EEPD1: variants seen among roughly 807,000 people sequenced by gnomAD.
EEPD1 encodes endonuclease/exonuclease/phosphatase family domain containing 1.
Under a neutral mutation model 46.3 loss-of-function variants are expected in EEPD1, and 17 were observed. The ratio of observed to expected loss-of-function variants is 0.37; its 90% CI spans 0.25 to 0.55. The LOEUF (loss-of-function observed/expected upper bound fraction) is 0.55. Ranked by LOEUF, EEPD1 falls within the 20% of genes least tolerant of loss-of-function variation. EEPD1 has a pLI of 0.83. For synonymous variants in EEPD1, 313 were observed against 315.6 expected (o/e 0.99, Z 0.09); for missense variants, 673 against 745.6 (o/e 0.90, Z 1.13).
rs981343900 is a variant in EEPD1, at chr7:36,193,257, A to G, written c.878+38055A>G. 6.6e-6 allele frequency among the ~76,000 whole-genome samples: 1 copy of G among 152,188 alleles called. No individual in the cohort carries two copies. Among genetic ancestry groups the G allele is most frequent in the Non-Finnish European group, 1.5e-5 (1 of 68,040 alleles). On this transcript the variant is annotated intron_variant, in intron 2 of 7. Coordinates refer to ENST00000242108, the MANE Select transcript of EEPD1 (RefSeq NM_030636.3). This position sits in a 1 kb window ranked among gnomAD's most constrained non-coding sequence, Gnocchi z 4.9. The stretch of plus-strand genomic sequence containing the variant: ...TGAGGAATGCCAAGGTGGAAGTGCC[A>G]ACCAGCAGAAGTTAGATGGAGAAGA...
intron 2 of EEPD1, among the ~76,000 whole-genome samples, chr7:36,164,270 T>C (rs920459375): frequency 1.3e-5 from 2 of 152,244 alleles, no homozygotes; most frequent in African/African-American, 4.8e-5. Flanking sequence ...AAACAACTTA[T>C]CTTTCTGCTC....
At chr7:36,203,245 G>T (rs73687000) in intron 2 of EEPD1, among the ~76,000 whole-genome samples, 2 of 152,136 alleles carry the variant, frequency 1.3e-5, no homozygotes, top group African/African-American at 4.8e-5. Flanking sequence ...GTGGGATTTC[G>T]CCTGGGTTCA....
At chr7:36,253,588 C>G (rs1217951415) in intron 3 of EEPD1, among the ~76,000 whole-genome samples, 2 of 152,088 alleles carry the variant, frequency 1.3e-5, no homozygotes, top group African/African-American at 4.8e-5. Flanking sequence ...CTTGAATTCT[C>G]TCAGTTTTTG....
At chr7:36,220,327 G>A (rs1017643525) in intron 2 of EEPD1, among the ~76,000 whole-genome samples, 3 of 152,116 alleles carry the variant, frequency 2.0e-5, no homozygotes, top group Admixed American at 6.5e-5. Flanking sequence ...AAGGGGGAAG[G>A]GAAAGGCTCA....
At chr7:36,295,399 T>C (rs916780011) in intron 6 of EEPD1, among the ~76,000 whole-genome samples, 6 of 152,152 alleles carry the variant, frequency 3.9e-5, no homozygotes, top group African/African-American at 1.2e-4. Context: ...ACCTGACTTA[T>C]ACCTCATAAG....
intron 3 of EEPD1, among the ~76,000 whole-genome samples, chr7:36,259,929 T>G (rs1786892998): frequency 2.0e-5 from 3 of 152,242 alleles, no homozygotes; most frequent in Non-Finnish European, 4.4e-5. Flanking sequence ...TTTCATTTGT[T>G]CCTGTGAATT....
In EEPD1 at chr7:36,299,627, G is replaced by C; in HGVS notation, c.*421G>C. On this transcript the variant is annotated 3_prime_UTR_variant, in exon 8 of 8. Coordinates refer to ENST00000242108, the MANE Select transcript of EEPD1 (RefSeq NM_030636.3). ...CACCAGGCTATGACGTTCCTGCTGC[G>C]CATTACAGAAAGCTTTTAACTGTGA... 5.2e-6 allele frequency: 1 copy of C among 194,008 alleles called. No homozygotes were observed. The highest frequency in any genetic ancestry group is 1.1e-5 in the Non-Finnish European group (1 of 93,768). The allele number at this position is 194,008 out of a possible 1,614,324, so 12.0% of individuals were successfully genotyped here.
intron 2 of EEPD1, among the ~76,000 whole-genome samples, chr7:36,184,238 A>G (rs1257971985): frequency 6.6e-6 from 1 of 152,182 alleles, no homozygotes; most frequent in East Asian, 1.9e-4. Context: ...CATGTTATGA[A>G]GTATTATTCT....
rs1379017368 is a variant in EEPD1, at chr7:36,154,147, G to A, written c.-178G>A. 1 of 715,154 alleles carries A rather than the reference G, an allele frequency of 1.4e-6. No individual in the cohort carries two copies. Among genetic ancestry groups the A allele is most frequent in the African/African-American group, 1.8e-5 (1 of 56,076 alleles). The allele number at this position is 715,154 out of a possible 1,614,324, so 44.3% of individuals were successfully genotyped here. A position where few individuals can be genotyped will look rare whatever the true frequency, so the allele number is the denominator to read the frequency against. On this transcript the variant is annotated 5_prime_UTR_variant, in exon 2 of 8. Transcript: ENST00000242108. This position sits in a 1 kb window ranked among gnomAD's most constrained non-coding sequence, Gnocchi z 4.2. The stretch of plus-strand genomic sequence containing the variant: ...TTATTTTCTAGGCGGCCAAGTGAAA[G>A]GTAATTTTGGACACGCCAGGCATGG...
chr7:36,257,228 A>G (rs577204102), intron 3 of EEPD1, among the ~76,000 whole-genome samples: 16 of 151,272 alleles, frequency 1.1e-4, no homozygotes, highest in African/African-American at 3.4e-4. Flanking sequence ...GGGTAACCTG[A>G]TCTTTCCTTC....
At chr7:36,284,475 G>A (rs904514101) in intron 4 of EEPD1, among the ~76,000 whole-genome samples, 17 of 152,244 alleles carry the variant, frequency 1.1e-4, no homozygotes, top group African/African-American at 3.9e-4. Context: ...TGTCTGTATG[G>A]AAAGCTCTGA....
At position 36,284,762 on chromosome 7, in the gene EEPD1, C is replaced by T. The variant is rs576833376; in HGVS notation, c.1118C>T (p.Ser373Leu). 8 of 1,599,658 alleles carry T rather than the reference C, an allele frequency of 5.0e-6. No homozygotes were observed. The Admixed American group carries it at 6.8e-5, about 14-fold the overall frequency. The stretch of plus-strand genomic sequence containing the variant: ...AGAGACGCGGGTTCACAGGAGAGCT[C>T]GCCAAGCAACGGGCACGGGAAGCTG... The part of the protein sequence containing the change: ...ELRDAGSQES[S>L]PSNGHGKLAG... The change falls in exon 5 of 8, where the codon TCG becomes TTG. Residue 373 changes from serine (S) to leucine (L), a missense_variant. By Grantham distance (145) the Ser-to-Leu change is moderately radical (BLOSUM62 -2). Transcript: ENST00000242108.
chr7:36,173,169 C>T lies in EEPD1; in HGVS notation c.878+17967C>T, dbSNP rs190249622. Among the ~76,000 whole-genome samples the T allele has an allele frequency of 1.7e-3, 261 of 151,898 alleles. 1 individual carries two copies. Among genetic ancestry groups the T allele is most frequent in the Non-Finnish European group, 2.4e-3 (166 of 67,944 alleles). On this transcript the variant is annotated intron_variant, in intron 2 of 7. Transcript: ENST00000242108. ...GGGGTTTGAATCATAGGGACGGTTT[C>T]CCCCATGCTGTTCTCATGATAGTGA...
rs766215240 is a variant in EEPD1, at chr7:36,169,587, GC to G, written c.878+14386del. 2.0e-5 allele frequency among the ~76,000 whole-genome samples: 3 copies of G among 152,160 alleles called. No individual in the cohort carries two copies. The East Asian group carries it at 5.8e-4, about 29-fold the overall frequency. The stretch of plus-strand genomic sequence containing the variant: ...GGGTCATTTTCAAACTTGTTTCTAA[GC>G]TGAAAAAATACAAGGTATCTTTGTG... On this transcript the variant is annotated intron_variant, in intron 2 of 7. Transcript: ENST00000242108.
At chr7:36,297,968 G>A (rs1049776486) in intron 7 of EEPD1, among the ~76,000 whole-genome samples, 1 of 152,298 alleles carries the variant, frequency 6.6e-6, no homozygotes, top group East Asian at 1.9e-4. Flanking sequence ...AAGTTGCAGG[G>A]CCTGGCTTTT....
intron 2 of EEPD1, among the ~76,000 whole-genome samples, chr7:36,179,925 TC>T (rs1785244467): frequency 6.6e-6 from 1 of 152,020 alleles, no homozygotes; most frequent in South Asian, 2.1e-4. Flanking sequence ...CTTAAGTGTG[TC>T]CCCCACCCCT....
At chr7:36,243,308 G>GTT (rs5883540) in intron 3 of EEPD1, among the ~76,000 whole-genome samples, 3,459 of 147,594 alleles carry the variant, frequency 0.023, 142 homozygotes, top group African/African-American at 0.079. Flanking sequence ...ATTAAGCCTG[G>GTT]TTTTTTTTTT....
chr7:36,170,667 G>A (rs1785063492), intron 2 of EEPD1, among the ~76,000 whole-genome samples: 1 of 145,586 alleles, frequency 6.9e-6, no homozygotes, highest in Non-Finnish European at 1.5e-5. Flanking sequence ...TTACATATAT[G>A]CCCTTAGACA....
At chr7:36,229,078 A>C (rs1263499292) in intron 2 of EEPD1, among the ~76,000 whole-genome samples, 1 of 151,770 alleles carries the variant, frequency 6.6e-6, no homozygotes, top group Non-Finnish European at 1.5e-5. Context: ...ACGTGCGGAA[A>C]CCCCTTCCCT....
Sources: allele counts gnomAD v4.1 joint callset (sites outside exome capture counted in the v4.1 genomes callset), GRCh38; gene constraint gnomAD v4.1.1; non-coding constraint Gnocchi (gnomAD v3.1); transcripts MANE v1.5; gene names NCBI Gene and HGNC (gene_info 2026-07-23, HGNC 2026-07-21).